The following SKI variants were observed in gnomAD, a reference collection of about 807,000 sequenced individuals.
The protein encoded by SKI is SKI proto-oncogene, also known as ski oncogene.
A neutral mutation model predicts 59.3 loss-of-function variants in SKI; 23 were observed. The observed-to-expected ratio is 0.39, with a 90% CI of 0.28 to 0.55. The LOEUF (loss-of-function observed/expected upper bound fraction) is 0.55, where lower values mean the gene tolerates loss of function less well. Ranked by LOEUF, SKI falls within the 20% of genes least tolerant of loss-of-function variation. The pLI is 0.67. For synonymous variants in SKI, 673 were observed against 488.6 expected, an observed-to-expected ratio of 1.38 and a Z score of -4.98; for missense variants, 1,017 against 1,038.9, an observed-to-expected ratio of 0.98 and a Z score of 0.29.
intron 1 of SKI, among the ~76,000 whole-genome samples, chr1:2,298,474 G>A (rs1035897859): frequency 7.2e-5 from 11 of 152,192 alleles, no homozygotes; most frequent in South Asian, 2.1e-4. Flanking sequence ...GGGTGTGGCC[G>A]TGGCCTGTCC....
At chr1:2,279,089 C>T (rs907876151) in intron 1 of SKI, among the ~76,000 whole-genome samples, 2 of 152,186 alleles carry the variant, frequency 1.3e-5, no homozygotes, top group Non-Finnish European at 2.9e-5. Flanking sequence ...GGACTCTGCC[C>T]TCCTGTCTCC....
At chr1:2,242,481 G>T (rs964778911) in intron 1 of SKI, among the ~76,000 whole-genome samples, 1 of 152,174 alleles carries the variant, frequency 6.6e-6, no homozygotes, top group African/African-American at 2.4e-5. Context: ...GGGTGTCCCT[G>T]CCCTCACTGT....
chr1:2,239,253 A>G (rs1414115520), intron 1 of SKI, among the ~76,000 whole-genome samples: 1 of 152,228 alleles, frequency 6.6e-6, no homozygotes, highest in Non-Finnish European at 1.5e-5. Flanking sequence ...AACTATCAAA[A>G]CTGTGATTTT....
intron 1 of SKI, among the ~76,000 whole-genome samples, chr1:2,239,293 G>A (rs1003130673): frequency 2.0e-5 from 3 of 152,150 alleles, no homozygotes; most frequent in African/African-American, 2.4e-5. Context: ...GGTGAGTGGC[G>A]CCCAGCTTGC....
Position 2,229,249 on chromosome 1 carries a change from C to T in SKI, c.483C>T (p.Leu161=). 1 of 1,603,296 alleles carries T rather than the reference C, an allele frequency of 6.2e-7. No homozygotes were observed. Among genetic ancestry groups the T allele is most frequent in the South Asian group, 1.1e-5 (1 of 89,778 alleles). Residue 161 remains leucine, a synonymous_variant, in exon 1 of 7, where the codon CTC becomes CTT. Coordinates refer to ENST00000378536, the MANE Select transcript of SKI (RefSeq NM_003036.4). This position sits in a 1 kb window ranked among gnomAD's most constrained non-coding sequence, Gnocchi z 6.3. ...SRCTADQLEI[L]KVMGILPFSA... is the part of the protein sequence containing the mutation. ...GCACGGCCGACCAGCTGGAGATCCT[C>T]AAAGTCATGGGCATCCTGCCCTTCT...
At chr1:2,265,608 T>C (rs1293085710) in intron 1 of SKI, among the ~76,000 whole-genome samples, 1 of 152,240 alleles carries the variant, frequency 6.6e-6, no homozygotes, top group Non-Finnish European at 1.5e-5. Flanking sequence ...GTGGTCCACA[T>C]TTTCTTGCTT....
chr1:2,306,283 C>A, intron 6 of SKI, 33 bp downstream of exon 6: 1 of 1,512,468 alleles, frequency 6.6e-7, no homozygotes, highest in Non-Finnish European at 8.9e-7. Context: ...GCACGCAGCA[C>A]GGTGGGCGTG....
chr1:2,262,369 G>A (rs1053083622), intron 1 of SKI, among the ~76,000 whole-genome samples: 6 of 149,452 alleles, frequency 4.0e-5, no homozygotes, highest in Non-Finnish European at 5.9e-5. Flanking sequence ...GGGTGGGAGT[G>A]GTGGGAGTGG....
At position 2,303,184 on chromosome 1, in the gene SKI, C is replaced by T; in HGVS notation, c.1095+81C>T. 17 of 1,601,248 alleles carry T rather than the reference C, an allele frequency of 1.1e-5. No homozygotes were observed. Among genetic ancestry groups the T allele is most frequent in the Middle Eastern group, 1.7e-4 (1 of 6,012 alleles). ...GGGCAGACCCAGCGGCTGGCAGCTC[C>T]ACCTGCCCGCTACTGAGGGCTGGCA... On this transcript the variant is annotated intron_variant, in intron 2 of 6. Coordinates refer to ENST00000378536, the MANE Select transcript of SKI (RefSeq NM_003036.4). The surrounding 1 kb of genome is among the most constrained non-coding windows in gnomAD (Gnocchi z 5.6).
rs778011087 is a variant in SKI, at chr1:2,306,911, T to C, written c.*146T>C. 7.3e-6 allele frequency: 4 copies of C among 550,282 alleles called. No homozygotes were observed. Among genetic ancestry groups the C allele is most frequent in the Non-Finnish European group, 1.1e-5 (4 of 375,140 alleles). The allele number at this position is 550,282 out of a possible 1,614,324, so 34.1% of individuals were successfully genotyped here. On this transcript the variant is annotated 3_prime_UTR_variant, in exon 7 of 7. Coordinates refer to ENST00000378536, the MANE Select transcript of SKI (RefSeq NM_003036.4). ...ATTACCAAGCGAGTGTTTGTAACCA[T>C]GTAGTTTTGGAACCCACTGCAAAAT... is the stretch of plus-strand genomic sequence containing the variant.
In SKI at chr1:2,303,600, G is replaced by A; in HGVS notation, c.1211+200G>A. On this transcript the variant is annotated intron_variant, in intron 3 of 6. Coordinates refer to ENST00000378536, the MANE Select transcript of SKI (RefSeq NM_003036.4). The surrounding 1 kb of genome is among the most constrained non-coding windows in gnomAD (Gnocchi z 5.6). Reference sequence around the variant, plus strand: ...TTCCCTGTGTTCTGGGTGGAGTCGTGGGTGGAGCCCTGTCTGCTGGGCGCA... The same window carrying A: ...TTCCCTGTGTTCTGGGTGGAGTCGTAGGTGGAGCCCTGTCTGCTGGGCGCA... 1 of 689,158 alleles carries A rather than the reference G, an allele frequency of 1.5e-6. No homozygotes were observed. The highest frequency in any genetic ancestry group is 2.4e-6 in the Non-Finnish European group (1 of 411,232). 42.7% of individuals were successfully genotyped at this position (689,158 alleles called of 1,614,324 possible).
intron 1 of SKI, among the ~76,000 whole-genome samples, chr1:2,233,383 C>T (rs930808673): frequency 9.2e-5 from 14 of 152,226 alleles, no homozygotes; most frequent in South Asian, 2.1e-4. Context: ...TCACCTGCCA[C>T]GTGCAGTCTG....
At chr1:2,305,203 C>T (rs541476309) in intron 5 of SKI, among the ~76,000 whole-genome samples, 6 of 152,326 alleles carry the variant, frequency 3.9e-5, no homozygotes, top group East Asian at 1.9e-4. Context: ...GCTGCAGCTC[C>T]GGTCTCGCGC....
rs1640487783 is a variant in SKI at position 2,303,780 on chromosome 1, A to T, written c.1212-60A>T. 3.1e-6 allele frequency: 5 copies of T among 1,598,824 alleles called. No individual in the cohort carries two copies. The highest frequency in any genetic ancestry group is 2.2e-5 in the East Asian group (1 of 44,516). On this transcript the variant is annotated intron_variant, in intron 3 of 6. Transcript: ENST00000378536. This position sits in a 1 kb window ranked among gnomAD's most constrained non-coding sequence, Gnocchi z 5.6. The stretch of plus-strand genomic sequence containing the variant: ...ACCTTCAGAGGGGGTGTGCGCCAGG[A>T]TGTGTCTGGGTGGTGCTTGGGGACA...
intron 1 of SKI, among the ~76,000 whole-genome samples, chr1:2,283,924 T>C (rs1044793170): frequency 6.6e-6 from 1 of 152,104 alleles, no homozygotes; most frequent in African/African-American, 2.4e-5. Flanking sequence ...CACTGTGGCG[T>C]CCCCTTCCTG....
intron 1 of SKI, among the ~76,000 whole-genome samples, chr1:2,286,909 G>A (rs996027808): frequency 5.9e-5 from 9 of 152,246 alleles, no homozygotes; most frequent in African/African-American, 2.2e-4. Flanking sequence ...GGAGAACTTT[G>A]CTTATAAAAG....
chr1:2,235,148 T>G (rs1402127545), intron 1 of SKI, among the ~76,000 whole-genome samples: 3 of 121,358 alleles, frequency 2.5e-5, no homozygotes, highest in African/African-American at 9.3e-5. Flanking sequence ...GTTCAAGCGA[T>G]TCTCCTGCCC....
chr1:2,232,568 G>A (rs1449541706), intron 1 of SKI: 1 of 152,378 alleles, frequency 6.6e-6, no homozygotes, highest in Non-Finnish European at 1.5e-5. Context: ...CTCATGTCAC[G>A]GGGTTACAGA....
Position 2,242,020 on chromosome 1 carries a change from G to T in SKI, c.969+12285G>T, listed in dbSNP as rs191055600. 2.0e-3 allele frequency among the ~76,000 whole-genome samples: 308 copies of T among 152,272 alleles called. 1 individual carries two copies. Among genetic ancestry groups the T allele is most frequent in the African/African-American group, 7.1e-3 (293 of 41,544 alleles). ...GTGTGGTGCTGTGATGGGCTGTGGG[G>T]ACAGTCCCGCGTGCTGACCTGAGCC... On this transcript the variant is annotated intron_variant, in intron 1 of 6. Transcript: ENST00000378536.
Sources: gnomAD v4.1 joint callset for allele counts (sites outside exome capture counted in the v4.1 genomes callset) on GRCh38, gnomAD v4.1.1 for gene constraint, Gnocchi (gnomAD v3.1) non-coding constraint, MANE v1.5 for transcripts, NCBI Gene and HGNC (gene_info 2026-07-23, HGNC 2026-07-21) for gene names.